SCARA3: variants seen among roughly 807,000 people sequenced by gnomAD.
SCARA3 encodes the protein cellular stress response gene protein.
SCARA3 carries 39 observed loss-of-function variants against 47.0 expected under a neutral mutation model. That is an observed-to-expected ratio of 0.83 (90% confidence interval 0.64 to 1.08). The LOEUF (loss-of-function observed/expected upper bound fraction) is 1.08. SCARA3 is among the 50% of genes least tolerant of loss of function. The pLI, the probability that SCARA3 is intolerant of heterozygous loss-of-function variation, is 0.00. For synonymous variants in SCARA3, 356 were observed against 334.1 expected (o/e 1.07, Z -0.71); for missense variants, 724 against 792.3 (o/e 0.91, Z 1.04).
downstream of SCARA3, among the ~76,000 whole-genome samples, chr8:27,681,546 G>A (rs144606326): frequency 2.8e-3 from 431 of 151,958 alleles, no homozygotes; most frequent in Non-Finnish European, 5.1e-3. Flanking sequence ...CAACAGAAGC[G>A]AGACTTCATC....
intron 2 of SCARA3, among the ~76,000 whole-genome samples, chr8:27,650,182 C>T (rs1195342692): frequency 6.6e-6 from 1 of 152,002 alleles, no homozygotes; most frequent in East Asian, 1.9e-4. Context: ...TTTGTAGATA[C>T]AAGAGTCTTG....
intron 1 of SCARA3, among the ~76,000 whole-genome samples, chr8:27,641,142 T>C (rs1482513359): frequency 6.6e-6 from 1 of 152,262 alleles, no homozygotes; most frequent in Non-Finnish European, 1.5e-5. Flanking sequence ...CCTTTACACA[T>C]ACACCTTGGC....
At chr8:27,660,712 T>G (rs1801889704) in intron 5 of SCARA3, among the ~76,000 whole-genome samples, 1 of 148,876 alleles carries the variant, frequency 6.7e-6, no homozygotes, top group South Asian at 2.1e-4. Context: ...GATAGATAGA[T>G]AGATAGATAG....
At chr8:27,648,045 C>T (rs1266488253) in intron 1 of SCARA3, among the ~76,000 whole-genome samples, 2 of 152,202 alleles carry the variant, frequency 1.3e-5, no homozygotes, top group Admixed American at 1.3e-4. Flanking sequence ...TCTTGTCTAC[C>T]CGCTGACCTT....
intron 1 of SCARA3, among the ~76,000 whole-genome samples, chr8:27,647,193 G>A (rs986265102): frequency 3.3e-5 from 5 of 152,118 alleles, no homozygotes; most frequent in East Asian, 1.9e-4. Context: ...AGGCACACAC[G>A]CAGGCATGCA....
chr8:27,705,216 G>C, the SCARA3 span, among the ~76,000 whole-genome samples: 2 of 152,192 alleles, frequency 1.3e-5, no homozygotes, highest in African/African-American at 4.8e-5. Flanking sequence ...GAGAAAGAGG[G>C]GCAGGTCGAA....
Position 27,658,977 on chromosome 8 carries a change from C to A in SCARA3, c.807C>A (p.Ser269=). 1 of 1,614,170 alleles carries A rather than the reference C, an allele frequency of 6.2e-7. No individual in the cohort carries two copies. Among genetic ancestry groups the A allele is most frequent in the Non-Finnish European group, 8.5e-7 (1 of 1,180,034 alleles). The change falls in exon 5 of 6, where the codon TCC becomes TCA. Residue 269 remains serine (S), a synonymous_variant. Coordinates refer to ENST00000301904, the MANE Select transcript of SCARA3 (RefSeq NM_016240.3). ...TCTTCAGCGGCCTGCGCACCACCTC[C>A]ACCAAGACTGGAGAGGCGGTCAAGA... ...TRLFSGLRTT[S]TKTGEAVKNI...
At chr8:27,682,042 T>C in the SCARA3 span, among the ~76,000 whole-genome samples, 1 of 152,004 alleles carries the variant, frequency 6.6e-6, no homozygotes, top group Non-Finnish European at 1.5e-5. Flanking sequence ...CTTGTTACTA[T>C]AAAGATATTA....
At chr8:27,683,168 A>G in the SCARA3 span, among the ~76,000 whole-genome samples, 1 of 152,190 alleles carries the variant, frequency 6.6e-6, no homozygotes, top group Non-Finnish European at 1.5e-5. Flanking sequence ...GCTGACTGAG[A>G]GAAGCCATAC....
intron 2 of SCARA3, among the ~76,000 whole-genome samples, chr8:27,650,280 C>CCACTGTGCTTGGCCTGAAATCAAA (rs1801604505): frequency 6.6e-6 from 1 of 152,186 alleles, no homozygotes; most frequent in Non-Finnish European, 1.5e-5. Flanking sequence ...CAGGTGTGAG[C>CCACTGTGCTTGGCCTGAAATCAAA]CACTGTGCTT....
the SCARA3 span, among the ~76,000 whole-genome samples, chr8:27,700,664 A>G: frequency 6.6e-6 from 1 of 152,178 alleles, no homozygotes; most frequent in Non-Finnish European, 1.5e-5. Context: ...CAAGAAAAGT[A>G]TATGAATGAC....
the SCARA3 span, among the ~76,000 whole-genome samples, chr8:27,725,470 A>G: frequency 2.6e-5 from 4 of 151,158 alleles, no homozygotes; most frequent in Non-Finnish European, 5.9e-5. Context: ...ATATAGTAAA[A>G]AGAAATTTTA....
chr8:27,722,333 A>G, the SCARA3 span, among the ~76,000 whole-genome samples: 1 of 152,096 alleles, frequency 6.6e-6, no homozygotes, highest in Admixed American at 6.5e-5. Context: ...ACTCCTGTAG[A>G]TGTGAAGATG....
downstream of SCARA3, among the ~76,000 whole-genome samples, chr8:27,679,549 A>T (rs1195863050): frequency 6.6e-6 from 1 of 152,210 alleles, no homozygotes; most frequent in Non-Finnish European, 1.5e-5. Context: ...TCTCTCAGGA[A>T]GTGATAGGTC....
At chr8:27,676,686 T>G, downstream of SCARA3, 1 of 787,538 alleles carries the variant, frequency 1.3e-6, no homozygotes, top group Non-Finnish European at 2.2e-6. Context: ...AAGCATCACC[T>G]TAAGCACATA....
chr8:27,666,970 C>T (rs544520094), intron 5 of SCARA3, among the ~76,000 whole-genome samples: 129 of 152,334 alleles, frequency 8.5e-4, no homozygotes, highest in Middle Eastern at 6.8e-3. Context: ...CTCCACCGGA[C>T]TCCAGGGTGT....
rs1012199974 is a variant in SCARA3, at chr8:27,672,318, GC to G, written c.*968del. ...AAGCAGGAGTTTCATCTGCATGGGG[GC>G]ACTCTGCAGGCCCTGGAACATTGGG... On this transcript the variant is annotated 3_prime_UTR_variant, in exon 6 of 6. Coordinates refer to ENST00000301904, the MANE Select transcript of SCARA3 (RefSeq NM_016240.3). 1.2e-5 allele frequency: 12 copies of G among 985,480 alleles called. No homozygotes were observed. In the African/African-American group the frequency reaches 2.1e-4, roughly 17 times the overall value. The allele number at this position is 985,480 out of a possible 1,614,324, so 61.0% of individuals were successfully genotyped here.
chr8:27,660,850 A>C (rs368876003), intron 5 of SCARA3, among the ~76,000 whole-genome samples: 7,584 of 94,416 alleles, frequency 0.08, 224 homozygotes, highest in African/African-American at 0.11. Context: ...AGCTAGATAG[A>C]TAGATAGATA....
intron 1 of SCARA3, among the ~76,000 whole-genome samples, chr8:27,648,681 A>G (rs2128917681): frequency 6.6e-6 from 1 of 152,294 alleles, no homozygotes; most frequent in South Asian, 2.1e-4. Flanking sequence ...TTCTCGGGCT[A>G]TAAAATGTAG....
Sources: gnomAD v4.1 joint callset for allele counts (sites outside exome capture counted in the v4.1 genomes callset) on GRCh38, gnomAD v4.1.1 for gene constraint, MANE v1.5 for transcripts, NCBI Gene and HGNC (gene_info 2026-07-23, HGNC 2026-07-21) for gene names.